MICU1: variants seen among roughly 807,000 people sequenced by gnomAD.
MICU1 encodes calcium uptake protein 1, mitochondrial.
A neutral mutation model predicts 56.8 loss-of-function variants in MICU1; 45 were observed. That is an observed-to-expected ratio of 0.79 (90% CI 0.62 to 1.02). The LOEUF (loss-of-function observed/expected upper bound fraction) is 1.02. MICU1 is among the 50% of genes least tolerant of loss of function. MICU1 has a pLI of 0.00. For missense variants in MICU1, 504 were observed against 587.1 expected (o/e 0.86, Z 1.46); for synonymous variants, 186 against 195.1 (o/e 0.95, Z 0.39).
chr10:72,547,851 T>A (rs74148019), intron 4 of MICU1, among the ~76,000 whole-genome samples: 5,169 of 152,110 alleles, frequency 0.034, 286 homozygotes, highest in African/African-American at 0.11. Flanking sequence ...CTAAGAAAAG[T>A]GAAACAGGTC....
intron 8 of MICU1, among the ~76,000 whole-genome samples, chr10:72,468,529 G>A (rs1754075520): frequency 6.6e-6 from 1 of 151,444 alleles, no homozygotes; most frequent in Admixed American, 6.6e-5. Context: ...AACCTTAAAA[G>A]AGAATTTTAA....
At chr10:72,564,724 G>A (rs1840384603) in intron 2 of MICU1, among the ~76,000 whole-genome samples, 1 of 151,940 alleles carries the variant, frequency 6.6e-6, no homozygotes, top group South Asian at 2.1e-4. Context: ...GTGAGGCAGA[G>A]GACTCAAAAG....
chr10:72,494,700 G>GT (rs1866778608), intron 6 of MICU1, among the ~76,000 whole-genome samples: 2 of 151,510 alleles, frequency 1.3e-5, no homozygotes, highest in African/African-American at 4.8e-5. Flanking sequence ...CAACAAAAGG[G>GT]TTTTAAAATT....
At chr10:72,612,201 T>C (rs1841870069) in intron 1 of MICU1, among the ~76,000 whole-genome samples, 1 of 151,946 alleles carries the variant, frequency 6.6e-6, no homozygotes, top group African/African-American at 2.4e-5. Flanking sequence ...CCCAGACTCA[T>C]TAGGCTAAAA....
chr10:72,606,524 A>T (rs571796699), intron 1 of MICU1, among the ~76,000 whole-genome samples: 111 of 151,352 alleles, frequency 7.3e-4, no homozygotes, highest in African/African-American at 2.1e-3. Context: ...AAAAAAAAAA[A>T]TTTTTTTTTA....
At chr10:72,411,698 A>T (rs1407999448) in intron 9 of MICU1, among the ~76,000 whole-genome samples, 2 of 152,166 alleles carry the variant, frequency 1.3e-5, no homozygotes, top group Admixed American at 6.5e-5. Flanking sequence ...TAAAAGGTTA[A>T]CATAAAATTC....
intron 10 of MICU1, among the ~76,000 whole-genome samples, chr10:72,383,329 T>C (rs983150104): frequency 6.6e-6 from 1 of 151,990 alleles, no homozygotes; most frequent in Admixed American, 6.6e-5. Flanking sequence ...GGGTGAAGTC[T>C]CTCTCCCAAC....
At chr10:72,572,384 A>G (rs149063355) in intron 1 of MICU1, among the ~76,000 whole-genome samples, 3,263 of 152,284 alleles carry the variant, frequency 0.021, 119 homozygotes, top group African/African-American at 0.075. Flanking sequence ...TCAGACCCAG[A>G]TAAGTTATGT....
intron 4 of MICU1, among the ~76,000 whole-genome samples, chr10:72,545,064 C>A (rs1839865105): frequency 6.6e-6 from 1 of 152,164 alleles, no homozygotes; most frequent in Non-Finnish European, 1.5e-5. Flanking sequence ...TAGAGTCCAG[C>A]CATTTCTGAT....
intron 9 of MICU1, among the ~76,000 whole-genome samples, chr10:72,409,787 G>A (rs1863747575): frequency 6.6e-6 from 1 of 152,102 alleles, no homozygotes; most frequent in Admixed American, 6.6e-5. Flanking sequence ...ACTTTATTGT[G>A]GAATATGATG....
intron 1 of MICU1, among the ~76,000 whole-genome samples, chr10:72,573,315 A>AC (rs1840658325): frequency 6.7e-6 from 1 of 148,574 alleles, no homozygotes; most frequent in African/African-American, 2.4e-5. Context: ...TACAAAAAAA[A>AC]AAAAAAAAAA....
chr10:72,504,345 T>A (rs1412893198), intron 6 of MICU1, among the ~76,000 whole-genome samples: 4 of 152,138 alleles, frequency 2.6e-5, no homozygotes, highest in Non-Finnish European at 5.9e-5. Context: ...CATCTTATTT[T>A]CAACTAAGCT....
At chr10:72,496,237 T>C (rs1269574334) in intron 6 of MICU1, among the ~76,000 whole-genome samples, 1 of 151,860 alleles carries the variant, frequency 6.6e-6, no homozygotes, top group Non-Finnish European at 1.5e-5. Flanking sequence ...AAGCAATTAT[T>C]CTGCCTCAGC....
chr10:72,450,097 G>A (rs1865247481), intron 8 of MICU1, among the ~76,000 whole-genome samples: 2 of 152,048 alleles, frequency 1.3e-5, no homozygotes, highest in Admixed American at 1.3e-4. Flanking sequence ...AAGTTCTCAG[G>A]GAGTGTTTGC....
chr10:72,422,181 C>T (rs1212195330), intron 9 of MICU1, among the ~76,000 whole-genome samples: 1 of 152,070 alleles, frequency 6.6e-6, no homozygotes, highest in Non-Finnish European at 1.5e-5. Context: ...GATTAGTGTT[C>T]TTATAAGAAG....
rs201312868 is a variant in MICU1, at chr10:72,449,397, C to CA, written c.933+25702dup. 2.1e-4 allele frequency among the ~76,000 whole-genome samples: 31 copies of CA among 148,110 alleles called. No individual in the cohort carries two copies. In the East Asian group the frequency reaches 3.6e-3, roughly 17 times the overall value. On this transcript the variant is annotated intron_variant, in intron 8 of 11. Coordinates refer to ENST00000361114, the MANE Select transcript of MICU1 (RefSeq NM_001195518.2). ...TGGGTGACAGAGCAAGACTCTGTCT[C>CA]AAAAAAAAAAATTTTTTTTTGGTAA...
chr10:72,458,108 A>G (rs1024657566), intron 8 of MICU1, among the ~76,000 whole-genome samples: 1 of 151,930 alleles, frequency 6.6e-6, no homozygotes, highest in African/African-American at 2.4e-5. Flanking sequence ...CGGAGGTTGC[A>G]GTGAGCCAAG....
At chr10:72,435,044 A>G (rs1290133516) in intron 8 of MICU1, among the ~76,000 whole-genome samples, 1 of 152,114 alleles carries the variant, frequency 6.6e-6, no homozygotes, top group Non-Finnish European at 1.5e-5. Context: ...TTAGTAATCC[A>G]TAGTTGATTA....
chr10:72,434,290 C>G (rs1206136047), intron 8 of MICU1, among the ~76,000 whole-genome samples: 3 of 152,096 alleles, frequency 2.0e-5, no homozygotes, highest in Non-Finnish European at 4.4e-5. Context: ...CATCAACTCG[C>G]AGAGCATTTT....
Sources: gnomAD v4.1 joint callset for allele counts (sites outside exome capture counted in the v4.1 genomes callset) on GRCh38, gnomAD v4.1.1 for gene constraint, MANE v1.5 for transcripts, NCBI Gene and HGNC (gene_info 2026-07-23, HGNC 2026-07-21) for gene names.